The following GRM3 variants were observed in gnomAD, a reference collection of about 807,000 sequenced individuals.
GRM3 encodes the protein metabotropic glutamate receptor 3.
GRM3 carries 26 observed loss-of-function variants against 70.5 expected under a neutral mutation model. That is an observed-to-expected ratio of 0.37 (90% CI 0.27 to 0.51). GRM3 has a LOEUF of 0.51. GRM3 is among the 20% of genes least tolerant of loss of function. The pLI is 0.93. For synonymous variants in GRM3, 443 were observed against 434.9 expected (o/e 1.02, Z -0.23); for missense variants, 859 against 1,123.8 (o/e 0.76, Z 3.37).
intron 3 of GRM3, among the ~76,000 whole-genome samples, chr7:86,793,458 CT>C (rs1473784523): frequency 6.6e-6 from 1 of 152,228 alleles, no homozygotes; most frequent in Non-Finnish European, 1.5e-5. Context: ...GCTTCCTCCC[CT>C]GGAACATTTG....
intron 1 of GRM3, among the ~76,000 whole-genome samples, chr7:86,703,481 C>T (rs1794990726): frequency 6.6e-6 from 1 of 152,012 alleles, no homozygotes; most frequent in South Asian, 2.1e-4. Flanking sequence ...AGCTTGCATT[C>T]AAAGGTAATT....
chr7:86,846,340 C>T (rs1419430802), intron 4 of GRM3, among the ~76,000 whole-genome samples: 1 of 152,176 alleles, frequency 6.6e-6, no homozygotes, highest in Non-Finnish European at 1.5e-5. Context: ...TGCCATTCTT[C>T]CTTAACAAGC....
At chr7:86,737,838 T>C (rs1289113088) in intron 1 of GRM3, among the ~76,000 whole-genome samples, 5 of 152,180 alleles carry the variant, frequency 3.3e-5, no homozygotes, top group Admixed American at 3.3e-4. Flanking sequence ...GGCAAATTCA[T>C]AATGAAACAT....
chr7:86,696,322 A>G (rs568596161), intron 1 of GRM3, among the ~76,000 whole-genome samples: 1 of 152,164 alleles, frequency 6.6e-6, no homozygotes, highest in Non-Finnish European at 1.5e-5. Flanking sequence ...TAAGAGAGAA[A>G]CAGGAAGGTC....
chr7:86,792,347 G>A (rs1797438858), intron 3 of GRM3, among the ~76,000 whole-genome samples: 1 of 152,170 alleles, frequency 6.6e-6, no homozygotes, highest in African/African-American at 2.4e-5. Context: ...GAGTGATGTG[G>A]TAACTGGAGT....
chr7:86,861,555 A>G (rs1438177597), intron 5 of GRM3, among the ~76,000 whole-genome samples: 2 of 152,220 alleles, frequency 1.3e-5, no homozygotes, highest in African/African-American at 4.8e-5. Context: ...CTTTGAGGTA[A>G]CATTTCAGAT....
intron 2 of GRM3, among the ~76,000 whole-genome samples, chr7:86,778,773 A>G (rs1197598026): frequency 1.3e-5 from 2 of 152,216 alleles, no homozygotes; most frequent in Admixed American, 6.5e-5. Context: ...TATACTAAAA[A>G]TATACAGCTA....
chr7:86,712,878 A>G lies in GRM3; in HGVS notation c.-140-52128A>G, dbSNP rs111366048. On this transcript the variant is annotated intron_variant, in intron 1 of 5. Coordinates refer to ENST00000361669, the MANE Select transcript of GRM3 (RefSeq NM_000840.3). ...TAACATTTTCTTTATCAATTCACTC[A>G]TTGTTGGGCACTCAGTTAATTTTAT... 3.3e-5 allele frequency among the ~76,000 whole-genome samples: 5 copies of G among 152,168 alleles called. 1 individual carries two copies. The highest frequency in any genetic ancestry group is 1.2e-4 in the African/African-American group (5 of 41,548).
intron 3 of GRM3, among the ~76,000 whole-genome samples, chr7:86,794,810 C>T (rs890665376): frequency 6.6e-5 from 10 of 151,710 alleles, no homozygotes; most frequent in East Asian, 3.9e-4. Flanking sequence ...AATTTGTTAA[C>T]GTGGCAGAGT....
intron 3 of GRM3, among the ~76,000 whole-genome samples, chr7:86,836,202 C>G (rs994208581): frequency 1.3e-5 from 2 of 151,938 alleles, no homozygotes; most frequent in Non-Finnish European, 2.9e-5. Flanking sequence ...AAACAACAAA[C>G]AAAAAACAGC....
intron 1 of GRM3, among the ~76,000 whole-genome samples, chr7:86,660,080 T>A (rs1793854784): frequency 6.6e-6 from 1 of 152,048 alleles, no homozygotes; most frequent in South Asian, 2.1e-4. Context: ...GTGTAGCTAA[T>A]CCTTGAATTG....
At chr7:86,646,017 GGGAGGGA>G (rs1793462857) in intron 1 of GRM3, among the ~76,000 whole-genome samples, 1 of 45,660 alleles carries the variant, frequency 2.2e-5, no homozygotes, top group Non-Finnish European at 4.3e-5. Context: ...GGGGGGGGGT[GGGAGGGA>G]GTTTAGGGGG....
intron 5 of GRM3, among the ~76,000 whole-genome samples, chr7:86,855,448 G>A (rs775529360): frequency 1.1e-4 from 16 of 152,124 alleles, no homozygotes; most frequent in Non-Finnish European, 2.1e-4. Context: ...TAATTGTTCA[G>A]ATGTATGTAT....
intron 1 of GRM3, 75 bp downstream of exon 1, chr7:86,644,947 G>A: frequency 2.7e-6 from 2 of 744,988 alleles, no homozygotes; most frequent in Non-Finnish European, 2.0e-6. Context: ...TGCCGCGTGG[G>A]GCAGGCGCAG....
At chr7:86,709,884 T>G (rs1394521321) in intron 1 of GRM3, among the ~76,000 whole-genome samples, 1 of 152,098 alleles carries the variant, frequency 6.6e-6, no homozygotes, top group African/African-American at 2.4e-5. Context: ...ATGCAAGAAG[T>G]GTGAATTATC....
At chr7:86,653,085 A>G (rs559934553) in intron 1 of GRM3, among the ~76,000 whole-genome samples, 2 of 152,330 alleles carry the variant, frequency 1.3e-5, no homozygotes, top group Non-Finnish European at 2.9e-5. Context: ...GTCCATGATT[A>G]AGATTATAGC....
At chr7:86,680,653 T>A (rs1471656820) in intron 1 of GRM3, among the ~76,000 whole-genome samples, 1 of 152,130 alleles carries the variant, frequency 6.6e-6, no homozygotes, top group East Asian at 1.9e-4. Context: ...TCAGTAAGAC[T>A]TTGTTAAACA....
intron 1 of GRM3, among the ~76,000 whole-genome samples, chr7:86,736,056 A>C (rs1287772906): frequency 1.3e-5 from 2 of 152,220 alleles, no homozygotes; most frequent in Non-Finnish European, 2.9e-5. Context: ...ACTGTGTTTG[A>C]AGAAGTCAAC....
At chr7:86,831,591 C>T (rs1798353082) in intron 3 of GRM3, among the ~76,000 whole-genome samples, 1 of 152,080 alleles carries the variant, frequency 6.6e-6, no homozygotes, top group Non-Finnish European at 1.5e-5. Flanking sequence ...CCACTCATTT[C>T]TATTTTCCCT....
Sources: allele counts gnomAD v4.1 joint callset (sites outside exome capture counted in the v4.1 genomes callset), GRCh38; gene constraint gnomAD v4.1.1; transcripts MANE v1.5; gene names NCBI Gene and HGNC (gene_info 2026-07-23, HGNC 2026-07-21).